The following KDM4C variants were observed in gnomAD, a reference collection of about 807,000 sequenced individuals.
KDM4C encodes the protein lysine demethylase 4C, also known as lysine-specific demethylase 4C.
A neutral mutation model predicts 129.3 loss-of-function variants in KDM4C; 81 were observed. The ratio of observed to expected loss-of-function variants is 0.63; its 90% CI spans 0.52 to 0.75. The LOEUF is 0.75. Among genes scored for constraint, KDM4C ranks in the 30% least tolerant of loss-of-function variants. The pLI is 0.00. For missense variants in KDM4C, 1,457 were observed against 1,304.0 expected (o/e 1.12, Z -1.81); for synonymous variants, 573 against 456.1 (o/e 1.26, Z -3.26).
At chr9:7,090,735 C>T (rs542224197) in intron 17 of KDM4C, among the ~76,000 whole-genome samples, 71 of 152,322 alleles carry the variant, frequency 4.7e-4, no homozygotes, top group Admixed American at 1.7e-3. Flanking sequence ...TCTCCTCCTT[C>T]CCTCAGCAGG....
At chr9:6,965,815 G>C (rs1319219988) in intron 8 of KDM4C, among the ~76,000 whole-genome samples, 2 of 152,160 alleles carry the variant, frequency 1.3e-5, no homozygotes, top group Non-Finnish European at 2.9e-5. Flanking sequence ...CTGATTCACA[G>C]TAATCGGATT....
chr9:6,784,704 G>A (rs1825105095), intron 1 of KDM4C, among the ~76,000 whole-genome samples: 1 of 152,198 alleles, frequency 6.6e-6, no homozygotes, highest in African/African-American at 2.4e-5. Context: ...TGAAACGGAT[G>A]AAATAAAAGC....
intron 17 of KDM4C, among the ~76,000 whole-genome samples, chr9:7,083,384 T>C (rs1456976514): frequency 2.0e-5 from 3 of 152,250 alleles, no homozygotes; most frequent in Admixed American, 1.3e-4. Flanking sequence ...TCAGTGTGCA[T>C]TGCTTAACAA....
chr9:6,948,699 C>G lies in KDM4C; in HGVS notation c.922-32226C>G, dbSNP rs552472092. 2.2e-4 allele frequency among the ~76,000 whole-genome samples: 33 copies of G among 151,944 alleles called. 1 individual carries two copies. Among genetic ancestry groups the G allele is most frequent in the Admixed American group, 1.6e-3 (24 of 15,276 alleles). On this transcript the variant is annotated intron_variant, in intron 8 of 21. Coordinates refer to ENST00000381309, the MANE Select transcript of KDM4C (RefSeq NM_015061.6). ...GTGGTGATGACTCTTAACGAGCATG[C>G]TGCCTTCAAGCATCTTTTTAACAAA...
At chr9:6,826,721 G>A (rs530879494) in intron 4 of KDM4C, among the ~76,000 whole-genome samples, 1 of 152,144 alleles carries the variant, frequency 6.6e-6, no homozygotes, top group Admixed American at 6.5e-5. Context: ...CAAAAAATTA[G>A]CCAGGCATGG....
chr9:6,883,937 G>A (rs770280257), intron 6 of KDM4C, among the ~76,000 whole-genome samples: 1 of 152,084 alleles, frequency 6.6e-6, no homozygotes, highest in South Asian at 2.1e-4. Flanking sequence ...AACCCCATGC[G>A]TGTAATGACA....
chr9:7,170,506 G>T (rs961550304), intron 21 of KDM4C: 3 of 977,290 alleles, frequency 3.1e-6, no homozygotes, highest in East Asian at 1.1e-4. Flanking sequence ...GAACAAACAT[G>T]GACAAATATT....
intron 21 of KDM4C, among the ~76,000 whole-genome samples, chr9:7,173,653 G>A (rs111550355): frequency 2.6e-5 from 4 of 152,284 alleles, no homozygotes; most frequent in Admixed American, 6.5e-5. Context: ...TCCTGGACAC[G>A]GTGGGGAAAT....
chr9:6,738,480 C>G (rs944601024), intron 1 of KDM4C, among the ~76,000 whole-genome samples: 1 of 151,976 alleles, frequency 6.6e-6, no homozygotes, highest in Non-Finnish European at 1.5e-5. Flanking sequence ...GTCCCCCAAG[C>G]TGGAGGGCAA....
rs557671071 is a variant in KDM4C, at chr9:6,973,095, T to C, written c.922-7830T>C. ...GTGAATTATTTACTTATAGTACTAC[T>C]GTTTTTATGGAGAAGTTTGGCTGAA... On this transcript the variant is annotated intron_variant, in intron 8 of 21. Coordinates refer to ENST00000381309, the MANE Select transcript of KDM4C (RefSeq NM_015061.6). Among the ~76,000 whole-genome samples, 145 of 152,370 alleles carry C rather than the reference T, an allele frequency of 9.5e-4. 1 individual carries two copies. The highest frequency in any genetic ancestry group is 3.2e-3 in the African/African-American group (135 of 41,596).
chr9:6,814,638 A>G lies in KDM4C; in HGVS notation c.328A>G (p.Thr110Ala). The G allele has an allele frequency of 6.3e-7, 1 of 1,593,528 alleles. No homozygotes were observed. Among genetic ancestry groups the G allele is most frequent in the East Asian group, 2.3e-5 (1 of 44,282 alleles). ...GTCATCTACCTTTTACAGATATTGT[A>G]CTCCAAGATACTTGGATTACGAAGA... ...RQLANSGKYC[T>A]PRYLDYEDLE... Residue 110 changes from threonine (T) to alanine (A), a missense_variant, in exon 4 of 22, where the codon ACT becomes GCT. Physicochemically the swap from Thr to Ala is moderately conservative, Grantham distance 58 (BLOSUM62 0). Coordinates refer to ENST00000381309, the MANE Select transcript of KDM4C (RefSeq NM_015061.6).
intron 17 of KDM4C, among the ~76,000 whole-genome samples, chr9:7,102,789 A>G (rs1837249673): frequency 6.6e-6 from 1 of 152,194 alleles, no homozygotes; most frequent in South Asian, 2.1e-4. Context: ...TACTCTTCAG[A>G]ATGAAAATTT....
At chr9:6,808,557 G>A (rs891310499) in intron 3 of KDM4C, among the ~76,000 whole-genome samples, 12 of 148,388 alleles carry the variant, frequency 8.1e-5, no homozygotes, top group African/African-American at 2.3e-4. Flanking sequence ...CAAACACTGC[G>A]GAAGGCCTCA....
chr9:7,021,240 C>G (rs1329745274), intron 15 of KDM4C, among the ~76,000 whole-genome samples: 2 of 151,902 alleles, frequency 1.3e-5, no homozygotes, highest in East Asian at 1.9e-4. Context: ...CAACCTCTGC[C>G]TCCCAGGTTC....
At chr9:6,876,193 G>A (rs998229632) in intron 5 of KDM4C, among the ~76,000 whole-genome samples, 1 of 152,160 alleles carries the variant, frequency 6.6e-6, no homozygotes, top group Non-Finnish European at 1.5e-5. Context: ...TACTGGATGT[G>A]GGGGGCAGCA....
Position 6,997,436 on chromosome 9 carries a change from C to G in KDM4C, c.1786+6912C>G, listed in dbSNP as rs141282768. ...AGAGCTTGCTTGCCTGAAACTTAGGCTTGGATGGTGAAGGGCAATATGATA... is the reference window on the plus strand; with the variant it reads ...AGAGCTTGCTTGCCTGAAACTTAGGGTTGGATGGTGAAGGGCAATATGATA... On this transcript the variant is annotated intron_variant, in intron 12 of 21. Coordinates refer to ENST00000381309, the MANE Select transcript of KDM4C (RefSeq NM_015061.6). 3.3e-5 allele frequency among the ~76,000 whole-genome samples: 5 copies of G among 152,292 alleles called. No homozygotes were observed. In the East Asian group the frequency reaches 7.7e-4, roughly 23 times the overall value.
At chr9:7,115,402 A>T (rs1232469232) in intron 18 of KDM4C, among the ~76,000 whole-genome samples, 1 of 152,202 alleles carries the variant, frequency 6.6e-6, no homozygotes, top group Non-Finnish European at 1.5e-5. Context: ...CACTAATCTC[A>T]TATTTTAATA....
intron 5 of KDM4C, among the ~76,000 whole-genome samples, chr9:6,876,759 C>T (rs1245395342): frequency 6.6e-6 from 1 of 152,116 alleles, no homozygotes; most frequent in Non-Finnish European, 1.5e-5. Flanking sequence ...TGCTCACCTT[C>T]TTACAGGCAA....
chr9:7,049,782 C>A (rs2132556309), intron 17 of KDM4C, among the ~76,000 whole-genome samples: 1 of 152,148 alleles, frequency 6.6e-6, no homozygotes, highest in African/African-American at 2.4e-5. Flanking sequence ...AAAATATAGG[C>A]CTTTATTGTC....
Sources: allele counts gnomAD v4.1 joint callset (sites outside exome capture counted in the v4.1 genomes callset), GRCh38; gene constraint gnomAD v4.1.1; transcripts MANE v1.5; gene names NCBI Gene and HGNC (gene_info 2026-07-23, HGNC 2026-07-21).